The following XXYLT1 variants were observed in gnomAD, a reference collection of about 807,000 sequenced individuals.
XXYLT1 encodes UDP-xylose:alpha-xyloside alpha-1,3-xylosyltransferase.
Under a neutral mutation model 28.9 loss-of-function variants are expected in XXYLT1, and 20 were observed. That is an observed-to-expected ratio of 0.69 (90% CI 0.49 to 1.00). XXYLT1 has a LOEUF of 1.00. Among genes scored for constraint, XXYLT1 ranks in the 50% least tolerant of loss-of-function variants. XXYLT1 has a pLI of 0.00. For missense variants in XXYLT1, 542 were observed against 560.1 expected, an observed-to-expected ratio of 0.97 and a Z score of 0.33; for synonymous variants, 257 against 253.8, an observed-to-expected ratio of 1.01 and a Z score of -0.12.
chr3:195,100,151 G>A (rs938054784), intron 3 of XXYLT1, among the ~76,000 whole-genome samples: 7 of 152,116 alleles, frequency 4.6e-5, no homozygotes, highest in South Asian at 2.1e-4. Context: ...CGCCACCACC[G>A]TTCCCCCTGC....
chr3:195,093,660 C>T (rs557203470), intron 3 of XXYLT1: 1 of 151,258 alleles, frequency 6.6e-6, no homozygotes, highest in South Asian at 2.1e-4. Flanking sequence ...TGCACATGTA[C>T]CCTAGAACTT....
rs557463780 is a variant in XXYLT1 at position 195,129,215 on chromosome 3, C to CCT, written c.785+27232_785+27233dup. On this transcript the variant is annotated intron_variant, in intron 3 of 3. Coordinates refer to ENST00000310380, the MANE Select transcript of XXYLT1 (RefSeq NM_152531.5). The surrounding 1 kb of genome is among the most constrained non-coding windows in gnomAD (Gnocchi z 4.4). ...ACGGCAGCCATTTACAACCTCCTGC[C>CCT]CTCTCTCTCTCTCTTTTTTTGGTAA... Among the ~76,000 whole-genome samples the CCT allele has an allele frequency of 0.034, 5,174 of 151,680 alleles. 161 individuals are homozygous for CCT. Among genetic ancestry groups the CCT allele is most frequent in the East Asian group, 0.15 (772 of 5,156 alleles).
intron 2 of XXYLT1, among the ~76,000 whole-genome samples, chr3:195,169,555 T>C (rs567619791): frequency 6.6e-6 from 1 of 152,300 alleles, no homozygotes; most frequent in African/African-American, 2.4e-5. Flanking sequence ...GCGGTTCCAC[T>C]TCACAATTTT....
At position 195,077,122 on chromosome 3, in the gene XXYLT1, C is replaced by G. The variant is rs1715166124; in HGVS notation, c.786-7011G>C. On this transcript the variant is annotated intron_variant, in intron 3 of 3. Coordinates refer to ENST00000310380, the MANE Select transcript of XXYLT1 (RefSeq NM_152531.5). This position sits in a 1 kb window ranked among gnomAD's most constrained non-coding sequence, Gnocchi z 4.8. ...GCCCTCAGCAAAACCCCAGCCCCTG[C>G]TGCTCTCAGTGGGTGGAGACAGAAT... Among the ~76,000 whole-genome samples the G allele has an allele frequency of 6.6e-6, 1 of 152,208 alleles. No individual in the cohort carries two copies. Among genetic ancestry groups the G allele is most frequent in the Non-Finnish European group, 1.5e-5 (1 of 68,038 alleles).
chr3:195,119,154 C>T (rs1459506932), intron 3 of XXYLT1, among the ~76,000 whole-genome samples: 3 of 112,350 alleles, frequency 2.7e-5, no homozygotes, highest in Admixed American at 1.8e-4. Flanking sequence ...TGTGGTGGCA[C>T]GCGCCTGTAA....
Position 195,180,410 on chromosome 3 carries a change from G to C in XXYLT1, c.653-23829C>G, listed in dbSNP as rs59190596. ...ACACACTTCCTTCGGCTGCAGCCTC[G>C]CCGATTCCCGAGCTGTTTCCTGCTG... is the stretch of plus-strand genomic sequence containing the variant. On this transcript the variant is annotated intron_variant, in intron 2 of 3. Transcript: ENST00000310380. The surrounding 1 kb of genome is among the most constrained non-coding windows in gnomAD (Gnocchi z 5.8). 65,128 of 985,560 alleles carry C rather than the reference G, an allele frequency of 0.066. 2,289 individuals carry two copies. The highest frequency in any genetic ancestry group is 0.12 in the Middle Eastern group (223 of 1,916). The allele number at this position is 985,560 out of a possible 1,614,324, so 61.1% of individuals were successfully genotyped here.
At chr3:195,198,756 C>A (rs1252814703) in intron 2 of XXYLT1, among the ~76,000 whole-genome samples, 2 of 152,142 alleles carry the variant, frequency 1.3e-5, no homozygotes, top group Non-Finnish European at 2.9e-5. Flanking sequence ...CACCAGAGAA[C>A]CGTTCTACAG....
intron 2 of XXYLT1, among the ~76,000 whole-genome samples, chr3:195,193,003 T>C (rs1722485354): frequency 6.6e-6 from 1 of 152,124 alleles, no homozygotes; most frequent in African/African-American, 2.4e-5. Flanking sequence ...AATCCATTCC[T>C]GGCCAGGCAC....
At position 195,255,877 on chromosome 3, in the gene XXYLT1, T is replaced by A. The variant is rs1725458298; in HGVS notation, c.504+14678A>T. Reference sequence around the variant, plus strand: ...CTCTTCTGCAGCTAAATGAGGGAGGTGGGGCTCCAACATCTCAGCCTGTAA... The same window carrying A: ...CTCTTCTGCAGCTAAATGAGGGAGGAGGGGCTCCAACATCTCAGCCTGTAA... On this transcript the variant is annotated intron_variant, in intron 1 of 3. Transcript: ENST00000310380. The surrounding 1 kb of genome is among the most constrained non-coding windows in gnomAD (Gnocchi z 4.5). 6.6e-6 allele frequency among the ~76,000 whole-genome samples: 1 copy of A among 151,770 alleles called. No individual in the cohort carries two copies. The highest frequency in any genetic ancestry group is 1.5e-5 in the Non-Finnish European group (1 of 67,938).
At position 195,209,599 on chromosome 3, in the gene XXYLT1, G is replaced by A. The variant is rs77952619; in HGVS notation, c.652+17110C>T. On this transcript the variant is annotated intron_variant, in intron 2 of 3. Coordinates refer to ENST00000310380, the MANE Select transcript of XXYLT1 (RefSeq NM_152531.5). The surrounding 1 kb of genome is among the most constrained non-coding windows in gnomAD (Gnocchi z 5.0). ...GGGCTCGGGCGAGGCCTTCAAGCCA[G>A]AACGGAGAGCTCAGCAAGCCCAGGC... The A allele has an allele frequency of 0.028, 4,214 of 152,678 alleles. 111 individuals carry two copies. Among genetic ancestry groups the A allele is most frequent in the East Asian group, 0.1 (536 of 5,184 alleles). 9.5% of individuals were successfully genotyped at this position (152,678 alleles called of 1,614,324 possible).
rs971795031 is a variant in XXYLT1 at position 195,181,284 on chromosome 3, T to TGGCTGCGG, written c.653-24711_653-24704dup. ...GTATCTGCGTGGCTGCGTGGCTGCG[T>TGGCTGCGG]GGCTGCGGGGCTGCGGGGCTGCGGA... On this transcript the variant is annotated intron_variant, in intron 2 of 3. Coordinates refer to ENST00000310380, the MANE Select transcript of XXYLT1 (RefSeq NM_152531.5). Among the ~76,000 whole-genome samples, 833 of 150,186 alleles carry TGGCTGCGG rather than the reference T, an allele frequency of 5.5e-3. 5 individuals are homozygous for TGGCTGCGG. Among genetic ancestry groups the TGGCTGCGG allele is most frequent in the African/African-American group, 0.018 (705 of 39,574 alleles).
At position 195,185,510 on chromosome 3, in the gene XXYLT1, T is replaced by G. The variant is rs1402094463; in HGVS notation, c.653-28929A>C. ...AGAGAGGTTTAGGGCTGGGTTTTTT[T>G]TTTTTTTTTTTTCACTTTGATTTCT... On this transcript the variant is annotated intron_variant, in intron 2 of 3. Coordinates refer to ENST00000310380, the MANE Select transcript of XXYLT1 (RefSeq NM_152531.5). 9.6e-4 allele frequency among the ~76,000 whole-genome samples: 145 copies of G among 151,540 alleles called. 2 individuals are homozygous for G. Among genetic ancestry groups the G allele is most frequent in the African/African-American group, 3.1e-3 (130 of 41,326 alleles).
chr3:195,121,931 C>T, intron 3 of XXYLT1: 1 of 661,590 alleles, frequency 1.5e-6, no homozygotes, highest in South Asian at 1.7e-5. Flanking sequence ...CTGGACCCTA[C>T]ATTGTCATCC....
At position 195,126,693 on chromosome 3, in the gene XXYLT1, C is replaced by T. The variant is rs374492572; in HGVS notation, c.785+29756G>A. The stretch of plus-strand genomic sequence containing the variant: ...AATAGACATCCCTGGAGGGCTCCTC[C>T]TCCTTCTTTCAATTTGATCCCAACA... On this transcript the variant is annotated intron_variant, in intron 3 of 3. Coordinates refer to ENST00000310380, the MANE Select transcript of XXYLT1 (RefSeq NM_152531.5). Among the ~76,000 whole-genome samples, 678 of 152,308 alleles carry T rather than the reference C, an allele frequency of 4.5e-3. 2 individuals are homozygous for T. The highest frequency in any genetic ancestry group is 0.027 in the Middle Eastern group (8 of 294).
At chr3:195,103,269 C>T (rs916563597) in intron 3 of XXYLT1, among the ~76,000 whole-genome samples, 31 of 152,204 alleles carry the variant, frequency 2.0e-4, no homozygotes, top group Non-Finnish European at 1.6e-4. Flanking sequence ...ACTGGTGGTT[C>T]TGTGACAGAA....
intron 1 of XXYLT1, among the ~76,000 whole-genome samples, chr3:195,264,862 T>G (rs952130245): frequency 6.6e-6 from 1 of 152,104 alleles, no homozygotes; most frequent in Non-Finnish European, 1.5e-5. Context: ...GAGACCAGCC[T>G]GGGAAAGAAG....
chr3:195,087,742 G>A (rs1230260596), intron 3 of XXYLT1, among the ~76,000 whole-genome samples: 1 of 152,006 alleles, frequency 6.6e-6, no homozygotes, highest in African/African-American at 2.4e-5. Context: ...CGCAGAAGAC[G>A]GTGATTTCTG....
In XXYLT1 at chr3:195,083,412, T is replaced by G. The variant is rs1235513263; in HGVS notation, c.786-13301A>C. On this transcript the variant is annotated intron_variant, in intron 3 of 3. Transcript: ENST00000310380. ...GAACTTAATTCTTTAAAAGCTTGAC[T>G]TTTTCCTTTGGTCAACACCCTCCCT... Among the ~76,000 whole-genome samples the G allele has an allele frequency of 2.2e-4, 33 of 152,172 alleles. 1 individual carries two copies. Among genetic ancestry groups the G allele is most frequent in the Non-Finnish European group, 4.9e-4 (33 of 68,034 alleles).
intron 2 of XXYLT1, among the ~76,000 whole-genome samples, chr3:195,187,418 G>C (rs1722249841): frequency 2.0e-5 from 3 of 152,050 alleles, no homozygotes; most frequent in Non-Finnish European, 4.4e-5. Flanking sequence ...CCCTTCTCTT[G>C]ATACCAGCCT....
Sources: gnomAD v4.1 joint callset for allele counts (sites outside exome capture counted in the v4.1 genomes callset) on GRCh38, gnomAD v4.1.1 for gene constraint, Gnocchi (gnomAD v3.1) non-coding constraint, MANE v1.5 for transcripts, NCBI Gene and HGNC (gene_info 2026-07-23, HGNC 2026-07-21) for gene names.